The following DGKB variants were observed in gnomAD, a reference collection of about 807,000 sequenced individuals.
The protein encoded by DGKB is diacylglycerol kinase beta, also known as 90 kDa diacylglycerol kinase.
In DGKB, 67 loss-of-function variants were observed where a neutral mutation model predicts 114.3. The observed-to-expected ratio is 0.59, with a 90% confidence interval of 0.48 to 0.72. The LOEUF (loss-of-function observed/expected upper bound fraction) is 0.72. Ranked by LOEUF, DGKB falls within the 30% of genes least tolerant of loss-of-function variation. The pLI, the probability that DGKB is intolerant of heterozygous loss-of-function variation, is 0.00. For synonymous variants in DGKB, 398 were observed against 323.1 expected, an observed-to-expected ratio of 1.23 and a Z score of -2.49; for missense variants, 907 against 975.2, an observed-to-expected ratio of 0.93 and a Z score of 0.93.
chr7:14,195,662 T>A (rs902649366), intron 23 of DGKB, among the ~76,000 whole-genome samples: 2 of 152,274 alleles, frequency 1.3e-5, no homozygotes, highest in African/African-American at 4.8e-5. Flanking sequence ...TATTTTAGTT[T>A]CAGTGAAACA....
chr7:14,702,707 C>A (rs1825414891), intron 6 of DGKB, among the ~76,000 whole-genome samples: 1 of 152,038 alleles, frequency 6.6e-6, no homozygotes, highest in African/African-American at 2.4e-5. Context: ...TGTCTGAAGT[C>A]TATAATATTA....
chr7:14,908,475 A>C (rs1233536868), intron 1 of DGKB, among the ~76,000 whole-genome samples: 1 of 152,110 alleles, frequency 6.6e-6, no homozygotes, highest in Non-Finnish European at 1.5e-5. Flanking sequence ...AGAACAGAAA[A>C]CCTCCATCTA....
chr7:14,703,186 G>T (rs558237883), intron 6 of DGKB, among the ~76,000 whole-genome samples: 1 of 152,314 alleles, frequency 6.6e-6, no homozygotes, highest in South Asian at 2.1e-4. Flanking sequence ...ACTACTCAGA[G>T]AAATGATTAA....
At chr7:14,424,203 G>A (rs1202159271) in intron 21 of DGKB, among the ~76,000 whole-genome samples, 2 of 152,020 alleles carry the variant, frequency 1.3e-5, no homozygotes, top group Non-Finnish European at 2.9e-5. Flanking sequence ...TGTGTGGCCT[G>A]AACCTCTGCT....
At chr7:14,770,424 T>A (rs1837244481) in intron 2 of DGKB, among the ~76,000 whole-genome samples, 1 of 152,100 alleles carries the variant, frequency 6.6e-6, no homozygotes, top group Non-Finnish European at 1.5e-5. Flanking sequence ...GGATTCACCA[T>A]CACAACTGCA....
chr7:14,169,030 A>T (rs1364698639), intron 25 of DGKB, among the ~76,000 whole-genome samples: 1 of 152,174 alleles, frequency 6.6e-6, no homozygotes, highest in Non-Finnish European at 1.5e-5. Context: ...TATGTGTATG[A>T]AATTAATAAA....
chr7:14,908,678 CCT>C (rs1252553542), intron 1 of DGKB, among the ~76,000 whole-genome samples: 1 of 151,928 alleles, frequency 6.6e-6, no homozygotes, highest in Non-Finnish European at 1.5e-5. Context: ...TGTGACTTAA[CCT>C]TAGAGCTATT....
At chr7:14,555,441 T>C (rs1287812016) in intron 20 of DGKB, among the ~76,000 whole-genome samples, 2 of 152,090 alleles carry the variant, frequency 1.3e-5, no homozygotes, top group African/African-American at 2.4e-5. Context: ...GCAAATTACA[T>C]TGAATCAAAA....
chr7:14,340,159 C>CTTTTTTTTTTTTTTTTTTTT (rs35208788), intron 22 of DGKB, among the ~76,000 whole-genome samples: 1 of 89,174 alleles, frequency 1.1e-5, no homozygotes, highest in Non-Finnish European at 2.2e-5. Flanking sequence ...CTGGATGATG[C>CTTTTTTTTTTTTTTTTTTTT]TTTTTTTTTT....
At chr7:14,174,524 C>T (rs889097255) in intron 25 of DGKB, among the ~76,000 whole-genome samples, 1 of 152,086 alleles carries the variant, frequency 6.6e-6, no homozygotes, top group Non-Finnish European at 1.5e-5. Flanking sequence ...AAAGAGTATT[C>T]ATGGACGCTA....
intron 1 of DGKB, among the ~76,000 whole-genome samples, chr7:14,961,407 C>T (rs1272256253): frequency 6.6e-6 from 1 of 152,044 alleles, no homozygotes; most frequent in African/African-American, 2.4e-5. Flanking sequence ...TTAAAGGGTT[C>T]TGTCTCAATG....
chr7:14,791,250 C>A (rs1562543852), intron 2 of DGKB, among the ~76,000 whole-genome samples: 2 of 152,184 alleles, frequency 1.3e-5, no homozygotes, highest in East Asian at 3.9e-4. Flanking sequence ...TATAGAAATA[C>A]AATTGGCTTT....
chr7:14,526,828 C>A (rs1790721476), intron 20 of DGKB, among the ~76,000 whole-genome samples: 1 of 152,128 alleles, frequency 6.6e-6, no homozygotes, highest in South Asian at 2.1e-4. Context: ...CACACAGACA[C>A]ACACACATTG....
intron 20 of DGKB, among the ~76,000 whole-genome samples, chr7:14,486,463 A>T (rs543819961): frequency 4.6e-5 from 7 of 152,170 alleles, no homozygotes; most frequent in African/African-American, 1.4e-4. Context: ...GGAAAGAGTT[A>T]TATAGAGAAA....
chr7:14,404,819 G>A (rs114250204), intron 21 of DGKB, among the ~76,000 whole-genome samples: 6,156 of 151,642 alleles, frequency 0.041, 422 homozygotes, highest in African/African-American at 0.14. Context: ...TACACTCTCT[G>A]CTTTTCCTTG....
At chr7:14,801,075 G>A (rs1027131107) in intron 2 of DGKB, among the ~76,000 whole-genome samples, 46 of 152,156 alleles carry the variant, frequency 3.0e-4, no homozygotes, top group African/African-American at 1.1e-3. Flanking sequence ...ATGAATAAGT[G>A]TATGTGCATG....
intron 21 of DGKB, among the ~76,000 whole-genome samples, chr7:14,410,936 G>A (rs1203583315): frequency 6.6e-6 from 1 of 152,134 alleles, no homozygotes; most frequent in African/African-American, 2.4e-5. Context: ...TAAAATGATT[G>A]TTTTGACTTT....
intron 9 of DGKB, among the ~76,000 whole-genome samples, chr7:14,686,471 C>T (rs1404616): frequency 0.58 from 88,332 of 151,968 alleles, 26,445 homozygotes; most frequent in East Asian, 0.86. Flanking sequence ...CCATAACTTT[C>T]CAGGTTGTCC....
intron 20 of DGKB, among the ~76,000 whole-genome samples, chr7:14,522,045 CTAAGGGTGTGGTAGTGTGTTGCTG>C (rs1789864653): frequency 6.6e-6 from 1 of 152,046 alleles, no homozygotes; most frequent in South Asian, 2.1e-4. Flanking sequence ...GCTTTGCGTC[CTAAGGGTGTGGTAGTGTGTTGCTG>C]TTACACATAG....
Sources: gnomAD v4.1 joint callset for allele counts (sites outside exome capture counted in the v4.1 genomes callset) on GRCh38, gnomAD v4.1.1 for gene constraint, MANE v1.5 for transcripts, NCBI Gene and HGNC (gene_info 2026-07-23, HGNC 2026-07-21) for gene names.